COL18A1: variants seen among roughly 807,000 people sequenced by gnomAD.
The protein encoded by COL18A1 is collagen type XVIII alpha 1 chain.
COL18A1 carries 133 observed loss-of-function variants against 168.0 expected under a neutral mutation model. The ratio of observed to expected loss-of-function variants is 0.79; its 90% confidence interval spans 0.69 to 0.91. COL18A1 has a LOEUF of 0.91. COL18A1 is among the 40% of genes least tolerant of loss of function. The pLI, the probability that COL18A1 is intolerant of heterozygous loss-of-function variation, is 0.00. For synonymous variants in COL18A1, 949 were observed against 809.0 expected, an observed-to-expected ratio of 1.17 and a Z score of -2.94; for missense variants, 2,126 against 1,925.4, an observed-to-expected ratio of 1.10 and a Z score of -1.95.
At chr21:45,438,250 A>G (rs566674352) in intron 2 of COL18A1, among the ~76,000 whole-genome samples, 1 of 100,296 alleles carries the variant, frequency 1.0e-5, no homozygotes, top group Non-Finnish European at 2.0e-5. Flanking sequence ...ACTCTCCTGC[A>G]CACACACACA....
At chr21:45,488,661 C>T (rs1473375668) in intron 18 of COL18A1, among the ~76,000 whole-genome samples, 3 of 152,130 alleles carry the variant, frequency 2.0e-5, no homozygotes, top group Non-Finnish European at 2.9e-5. Flanking sequence ...GGGCCATTGT[C>T]CCGTTCTCTC....
chr21:45,446,476 T>C (rs968456329), intron 2 of COL18A1, among the ~76,000 whole-genome samples: 10 of 152,194 alleles, frequency 6.6e-5, no homozygotes, highest in Admixed American at 3.9e-4. Flanking sequence ...ACAATGTGAA[T>C]AGATATATAA....
intron 26 of COL18A1, 47 bp from the exon 27 acceptor site, chr21:45,494,498 G>C (rs773634937): frequency 1.2e-6 from 2 of 1,612,980 alleles, no homozygotes; most frequent in South Asian, 2.2e-5. Context: ...GCTGCCAGGT[G>C]GGGCACAAGC....
rs535120668 is a variant in COL18A1, at chr21:45,494,811, G to C, written c.2380-51G>C. On this transcript the variant is annotated intron_variant, in intron 27 of 41. Coordinates refer to ENST00000651438, the MANE Select transcript of COL18A1 (RefSeq NM_001379500.1). ...CCTTCCCCAGGACCCCCCAACTCGT[G>C]GTCAAGGGCCAGGGTCTGCCCCACT... The C allele has an allele frequency of 3.2e-6, 5 of 1,542,538 alleles. No individual in the cohort carries two copies. The African/African-American group carries it at 6.8e-5, about 21-fold the overall frequency.
At chr21:45,460,859 G>A (rs143839774) in intron 2 of COL18A1, among the ~76,000 whole-genome samples, 224 of 152,318 alleles carry the variant, frequency 1.5e-3, no homozygotes, top group African/African-American at 5.1e-3. Context: ...TCCTACTGGA[G>A]TGTCAAGGGC....
intron 2 of COL18A1, among the ~76,000 whole-genome samples, chr21:45,441,945 C>T (rs953801540): frequency 7.9e-5 from 12 of 152,236 alleles, no homozygotes; most frequent in Non-Finnish European, 1.6e-4. Flanking sequence ...CCTGCCAAAG[C>T]ACAGGCCTGG....
intron 2 of COL18A1, among the ~76,000 whole-genome samples, chr21:45,415,320 C>T (rs2123518750): frequency 6.6e-6 from 1 of 152,274 alleles, no homozygotes; most frequent in East Asian, 1.9e-4. Flanking sequence ...AGGCTGCAGG[C>T]TTTGTGGAGA....
chr21:45,437,769 C>A lies in COL18A1; in HGVS notation c.107-30473C>A, dbSNP rs370915975. ...ACACTCAGACACAGGCACTCTCCTG[C>A]ACACACACACACTCACTCACACACA... On this transcript the variant is annotated intron_variant, in intron 2 of 41. Coordinates refer to ENST00000651438, the MANE Select transcript of COL18A1 (RefSeq NM_001379500.1). Among the ~76,000 whole-genome samples the A allele has an allele frequency of 6.0e-5, 4 of 67,082 alleles. 1 individual carries two copies. The allele number at this position is 67,082 out of a possible 152,430, so 44.0% of individuals were successfully genotyped here. A position where few individuals can be genotyped will look rare whatever the true frequency, so the allele number is the denominator to read the frequency against.
At chr21:45,410,748 C>T (rs1339314296) in intron 2 of COL18A1, among the ~76,000 whole-genome samples, 1 of 152,222 alleles carries the variant, frequency 6.6e-6, no homozygotes, top group Non-Finnish European at 1.5e-5. Context: ...ACAGCTGCTC[C>T]TGGGGGCAGG....
At position 45,494,096 on chromosome 21, in the gene COL18A1, C is replaced by T. The variant is rs2036450882; in HGVS notation, c.2353-449C>T. On this transcript the variant is annotated intron_variant, in intron 26 of 41. Transcript: ENST00000651438. ...CTTTGGAGTGTGGGCCACCGGCTCT[C>T]CCACTTTCAGAGGGAGCAGTGAGCC... 7 of 305,270 alleles carry T rather than the reference C, an allele frequency of 2.3e-5. No individual in the cohort carries two copies. The South Asian group carries it at 2.5e-4, about 11-fold the overall frequency. The allele number at this position is 305,270 out of a possible 1,614,324, so 18.9% of individuals were successfully genotyped here.
At chr21:45,495,302 AG>A in intron 28 of COL18A1, 55 bp from the exon 29 acceptor site, 1 of 1,433,422 alleles carries the variant, frequency 7.0e-7, no homozygotes, top group African/African-American at 1.4e-5. Flanking sequence ...CCCTGCGGGA[AG>A]GTGTCTGGTA....
chr21:45,447,730 T>A (rs890378274), intron 2 of COL18A1, among the ~76,000 whole-genome samples: 2 of 152,122 alleles, frequency 1.3e-5, no homozygotes, highest in African/African-American at 2.4e-5. Context: ...CTCTCGAACT[T>A]CTTAGAGTCT....
At chr21:45,467,655 C>G (rs60346787) in intron 2 of COL18A1, among the ~76,000 whole-genome samples, 2 of 152,206 alleles carry the variant, frequency 1.3e-5, no homozygotes, top group African/African-American at 2.4e-5. Flanking sequence ...TCGAAGAACA[C>G]TGGGGTGTGG....
In COL18A1 at chr21:45,468,466, A is replaced by G. The variant is rs760681216; in HGVS notation, c.331A>G (p.Ile111Val). 6.2e-7 allele frequency: 1 copy of G among 1,614,080 alleles called. No individual in the cohort carries two copies. Among genetic ancestry groups the G allele is most frequent in the Middle Eastern group, 1.6e-4 (1 of 6,062 alleles). ...ATEGPGVLFA[I>V]TDSAQAMVLL... is the part of the protein sequence containing the mutation. ...AGAGGGCCCAGGGGTGCTGTTCGCC[A>G]TCACGGACTCGGCGCAGGCCATGGT... is the stretch of plus-strand genomic sequence containing the variant. Residue 111 changes from isoleucine to valine, a missense_variant, in exon 3 of 42, where the codon ATC becomes GTC. Transcript: ENST00000651438.
chr21:45,495,774 T>C, intron 29 of COL18A1: 2 of 361,382 alleles, frequency 5.5e-6, no homozygotes, highest in Non-Finnish European at 1.1e-5. Context: ...ACACTCCACA[T>C]AGGTGCACAT....
At position 45,461,364 on chromosome 21, in the gene COL18A1, A is replaced by G. The variant is rs77903102; in HGVS notation, c.107-6878A>G. On this transcript the variant is annotated intron_variant, in intron 2 of 41. Transcript: ENST00000651438. ...GGACACTACTCAGTAACAGTAAGTC[A>G]AGGAGGCCCCCGTTGCCTATGCACA... Among the ~76,000 whole-genome samples the G allele has an allele frequency of 1.6e-3, 249 of 152,140 alleles. 6 individuals are homozygous for G. In the East Asian group the frequency reaches 0.03, roughly 19 times the overall value.
At chr21:45,450,391 C>T (rs1182688581) in intron 2 of COL18A1, among the ~76,000 whole-genome samples, 1 of 152,130 alleles carries the variant, frequency 6.6e-6, no homozygotes, top group Non-Finnish European at 1.5e-5. Context: ...CCACCCGCCA[C>T]GGGCTGAGGC....
At chr21:45,438,128 C>G in intron 2 of COL18A1, among the ~76,000 whole-genome samples, 1 of 95,532 alleles carries the variant, frequency 1.0e-5, no homozygotes, top group African/African-American at 4.9e-5. Context: ...AGGCACTCTC[C>G]TGCACACACA....
At chr21:45,431,185 C>G (rs570248943) in intron 2 of COL18A1, among the ~76,000 whole-genome samples, 1 of 152,138 alleles carries the variant, frequency 6.6e-6, no homozygotes, top group Non-Finnish European at 1.5e-5. Flanking sequence ...CTGTGCTCTC[C>G]AAGGGTGGGC....
Sources: allele counts gnomAD v4.1 joint callset (sites outside exome capture counted in the v4.1 genomes callset), GRCh38; gene constraint gnomAD v4.1.1; transcripts MANE v1.5; gene names NCBI Gene and HGNC (gene_info 2026-07-23, HGNC 2026-07-21).